Variants in FAM118A observed in about 807,000 individuals in gnomAD.
FAM118A encodes the protein protein FAM118A.
A neutral mutation model predicts 38.2 loss-of-function variants in FAM118A; 25 were observed. The ratio of observed to expected loss-of-function variants is 0.65; its 90% confidence interval spans 0.48 to 0.91. The LOEUF is 0.91. Among genes scored for constraint, FAM118A ranks in the 40% least tolerant of loss-of-function variants. The pLI is 0.00. For synonymous variants in FAM118A, 178 were observed against 184.1 expected (o/e 0.97, Z 0.27); for missense variants, 425 against 463.3 (o/e 0.92, Z 0.76).
chr22:45,340,424 T>A lies in FAM118A; in HGVS notation c.*19T>A. On this transcript the variant is annotated 3_prime_UTR_variant, in exon 9 of 9. Coordinates refer to ENST00000441876, the MANE Select transcript of FAM118A (RefSeq NM_017911.4). ...GTCTTGAAATCTTTACAGTAAAACC[T>A]GCAACTTGAAAACTAGCCTTCTGTA... is the stretch of plus-strand genomic sequence containing the variant. 1 of 1,614,056 alleles carries A rather than the reference T, an allele frequency of 6.2e-7. No individual in the cohort carries two copies. The highest frequency in any genetic ancestry group is 1.3e-5 in the African/African-American group (1 of 75,060).
chr22:45,321,762 C>T (rs1184241882), intron 1 of FAM118A: 1 of 156,270 alleles, frequency 6.4e-6, no homozygotes, highest in African/African-American at 2.4e-5. Flanking sequence ...GAAAGAGACC[C>T]AGATGGTTTG....
chr22:45,312,842 G>C (rs763298876), intron 1 of FAM118A, among the ~76,000 whole-genome samples: 1 of 152,096 alleles, frequency 6.6e-6, no homozygotes, highest in Non-Finnish European at 1.5e-5. Context: ...CAGAAACTTC[G>C]GCATGTTTGT....
At chr22:45,316,287 G>T (rs768728643) in intron 1 of FAM118A, among the ~76,000 whole-genome samples, 1 of 152,108 alleles carries the variant, frequency 6.6e-6, no homozygotes, top group African/African-American at 2.4e-5. Flanking sequence ...TGATCCGGCC[G>T]CCTCGGCCTC....
Position 45,328,417 on chromosome 22 carries a change from T to C in FAM118A, c.522+354T>C. ...GTGTGGGCTGGGGCTGCGGGCAGCC[T>C]GCAGGTGTGGGGAGTTCTGTGCCCT... is the stretch of plus-strand genomic sequence containing the variant. On this transcript the variant is annotated intron_variant, in intron 4 of 8. Transcript: ENST00000441876. The C allele has an allele frequency of 3.6e-6, 4 of 1,104,002 alleles. 1 individual carries two copies. The South Asian group carries it at 4.7e-5, about 13-fold the overall frequency. The allele number at this position is 1,104,002 out of a possible 1,614,324, so 68.4% of individuals were successfully genotyped here.
chr22:45,340,580 G>A lies in FAM118A; in HGVS notation c.*175G>A. ...AGGCTGGGTGAGAGGGCTCCCCTGT[G>A]TGTTGAACTATGCAGGAGGGTGACG... On this transcript the variant is annotated 3_prime_UTR_variant, in exon 9 of 9. Transcript: ENST00000441876. 1.4e-6 allele frequency: 1 copy of A among 712,288 alleles called. No homozygotes were observed. The highest frequency in any genetic ancestry group is 2.5e-6 in the Non-Finnish European group (1 of 404,730). 44.1% of individuals were successfully genotyped at this position (712,288 alleles called of 1,614,324 possible). A position where few individuals can be genotyped will look rare whatever the true frequency, so the allele number is the denominator to read the frequency against.
intron 3 of FAM118A, among the ~76,000 whole-genome samples, chr22:45,327,479 C>A (rs1267651821): frequency 1.3e-5 from 2 of 152,184 alleles, no homozygotes; most frequent in Non-Finnish European, 2.9e-5. Flanking sequence ...GAGCCGTGAC[C>A]TCAGTGCTGT....
At chr22:45,332,350 A>T in intron 5 of FAM118A, 75 bp from the exon 6 acceptor site, 1 of 1,473,042 alleles carries the variant, frequency 6.8e-7, no homozygotes, top group Non-Finnish European at 9.2e-7. Flanking sequence ...AAAAGCACAC[A>T]CATGTGACTT....
intron 1 of FAM118A, among the ~76,000 whole-genome samples, chr22:45,315,105 G>T (rs1255636025): frequency 6.6e-6 from 1 of 152,164 alleles, no homozygotes; most frequent in East Asian, 1.9e-4. Flanking sequence ...GTTGCTCTTT[G>T]AATTAATTTG....
chr22:45,330,895 C>G (rs537797329), intron 5 of FAM118A, 164 bp downstream of exon 5: 32 of 653,330 alleles, frequency 4.9e-5, no homozygotes, highest in Non-Finnish European at 6.0e-5. Flanking sequence ...TTGTCCTCGT[C>G]TGTGTCTCTG....
intron 5 of FAM118A, among the ~76,000 whole-genome samples, chr22:45,332,055 C>T (rs914596990): frequency 2.0e-5 from 3 of 152,196 alleles, no homozygotes; most frequent in Admixed American, 6.5e-5. Context: ...AATTTAAAAT[C>T]GTACCCAATT....
Position 45,327,861 on chromosome 22 carries a change from C to T in FAM118A, c.320C>T (p.Pro107Leu), listed in dbSNP as rs1204662347. ...KMSPRTGDAK[P>L]SFFQDCLMEV... The stretch of plus-strand genomic sequence containing the variant: ...TTGTAGCGCACAGGCGATGCCAAGC[C>T]CAGCTTCTTCCAGGACTGCCTGATG... Residue 107 changes from proline (P) to leucine (L), a missense_variant, in exon 4 of 9, where the codon CCC becomes CTC. Transcript: ENST00000441876. 6.2e-7 allele frequency: 1 copy of T among 1,614,268 alleles called. No individual in the cohort carries two copies. The highest frequency in any genetic ancestry group is 8.5e-7 in the Non-Finnish European group (1 of 1,180,058).
chr22:45,314,701 G>T (rs996711273), intron 1 of FAM118A, among the ~76,000 whole-genome samples: 10 of 152,220 alleles, frequency 6.6e-5, no homozygotes, highest in African/African-American at 2.2e-4. Flanking sequence ...GTAAAGGCAG[G>T]TGGGTCCACA....
rs1008111076 is a variant in FAM118A, at chr22:45,314,959, C to T, written c.-10+4776C>T. Among the ~76,000 whole-genome samples, 25 of 152,322 alleles carry T rather than the reference C, an allele frequency of 1.6e-4. No individual in the cohort carries two copies. In the Middle Eastern group the frequency reaches 0.014, roughly 83 times the overall value. On this transcript the variant is annotated intron_variant, in intron 1 of 8. Transcript: ENST00000441876. ...CTGGCCTGTTAGAAGGGTTCACTAT[C>T]GGCCTTGGCCAGGCTGTGGGTCATA...
intron 1 of FAM118A, among the ~76,000 whole-genome samples, chr22:45,320,935 T>A (rs535722011): frequency 1.5e-3 from 230 of 152,292 alleles, no homozygotes; most frequent in Non-Finnish European, 2.2e-3. Flanking sequence ...GTGCACTAAG[T>A]CGGTGGTCAG....
chr22:45,327,590 T>A (rs555434184), intron 3 of FAM118A, among the ~76,000 whole-genome samples: 15 of 152,314 alleles, frequency 9.8e-5, no homozygotes, highest in African/African-American at 3.6e-4. Flanking sequence ...GCCTAGTGTC[T>A]TGGTCCTGTC....
chr22:45,339,142 C>T (rs966190501), intron 8 of FAM118A, among the ~76,000 whole-genome samples: 1 of 152,198 alleles, frequency 6.6e-6, no homozygotes, highest in Non-Finnish European at 1.5e-5. Flanking sequence ...TAGTGGTTCA[C>T]GCCTATATTA....
In FAM118A at chr22:45,332,553, C is replaced by T. The variant is rs763619586; in HGVS notation, c.780C>T (p.Tyr260=). ...CGAATAAGGTGGATTTGGAGCACTACATGCTTGTGCTGAAGGAGAATGAAG... is the reference window on the plus strand; with the variant it reads ...CGAATAAGGTGGATTTGGAGCACTATATGCTTGTGCTGAAGGAGAATGAAG... The part of the protein sequence containing the change: ...SVPNKVDLEH[Y]MLVLKENEDH... The change falls in exon 6 of 9, where the codon TAC becomes TAT. Residue 260 remains tyrosine, a synonymous_variant. Coordinates refer to ENST00000441876, the MANE Select transcript of FAM118A (RefSeq NM_017911.4). 4 of 1,614,220 alleles carry T rather than the reference C, an allele frequency of 2.5e-6. No individual in the cohort carries two copies. Among genetic ancestry groups the T allele is most frequent in the East Asian group, 2.2e-5 (1 of 44,884 alleles).
chr22:45,309,921 G>T, upstream of FAM118A: 1 of 152,278 alleles, frequency 6.6e-6, no homozygotes, highest in South Asian at 2.0e-4. Context: ...GCGGGCGCGC[G>T]GGGGAAGGGT....
intron 3 of FAM118A, among the ~76,000 whole-genome samples, chr22:45,325,365 T>C (rs2085188595): frequency 6.6e-6 from 1 of 152,020 alleles, no homozygotes; most frequent in Non-Finnish European, 1.5e-5. Context: ...AAGCTGAGAG[T>C]TGGTTGCATC....
Sources: allele counts gnomAD v4.1 joint callset (sites outside exome capture counted in the v4.1 genomes callset), GRCh38; gene constraint gnomAD v4.1.1; transcripts MANE v1.5; gene names NCBI Gene and HGNC (gene_info 2026-07-23, HGNC 2026-07-21).